GRIK1: variants seen among roughly 807,000 people sequenced by gnomAD.
GRIK1 encodes the protein glutamate ionotropic receptor kainate type subunit 1.
A neutral mutation model predicts 105.7 loss-of-function variants in GRIK1; 69 were observed. The ratio of observed to expected loss-of-function variants is 0.65; its 90% CI spans 0.54 to 0.80. The LOEUF is 0.80. GRIK1 is among the 30% of genes least tolerant of loss of function. GRIK1 has a pLI of 0.00. For missense variants in GRIK1, 1,109 were observed against 1,167.3 expected (o/e 0.95, Z 0.73); for synonymous variants, 438 against 431.3 (o/e 1.02, Z -0.19).
At chr21:29,707,454 C>CCTTCCTT (rs1601500614) in intron 1 of GRIK1, among the ~76,000 whole-genome samples, 29 of 88,550 alleles carry the variant, frequency 3.3e-4, no homozygotes, top group African/African-American at 1.3e-3. Context: ...CTCCCTCCCT[C>CCTTCCTT]CCTCCCTCCC....
At chr21:29,656,720 A>G (rs1297291247) in intron 4 of GRIK1, among the ~76,000 whole-genome samples, 1 of 152,212 alleles carries the variant, frequency 6.6e-6, no homozygotes, top group Non-Finnish European at 1.5e-5. Context: ...GGTGCCTAAG[A>G]TATGTGAACT....
At chr21:29,593,408 G>A (rs1392937711) in intron 9 of GRIK1, among the ~76,000 whole-genome samples, 1 of 152,182 alleles carries the variant, frequency 6.6e-6, no homozygotes, top group Non-Finnish European at 1.5e-5. Context: ...CTCAGGAAAA[G>A]TGGACAGCAT....
chr21:29,648,394 T>C lies in GRIK1; in HGVS notation c.954+2724A>G, dbSNP rs141285363. On this transcript the variant is annotated intron_variant, in intron 6 of 17. Transcript: ENST00000327783. The stretch of plus-strand genomic sequence containing the variant: ...AAAGTAATCTCTATTTTACTAATCA[T>C]GCACATTCACATATATCTTGTTTAT... Among the ~76,000 whole-genome samples, 1,272 of 152,350 alleles carry C rather than the reference T, an allele frequency of 8.3e-3. 14 individuals carry two copies. The highest frequency in any genetic ancestry group is 0.014 in the Non-Finnish European group (929 of 68,032).
intron 7 of GRIK1, among the ~76,000 whole-genome samples, chr21:29,625,630 C>T (rs539918826): frequency 8.5e-5 from 13 of 152,106 alleles, no homozygotes; most frequent in Non-Finnish European, 1.3e-4. Context: ...AGCACTCCCC[C>T]ATATCTGTTA....
chr21:29,656,744 G>A (rs553266463), intron 4 of GRIK1, among the ~76,000 whole-genome samples: 15 of 152,324 alleles, frequency 9.8e-5, no homozygotes, highest in East Asian at 5.8e-4. Context: ...ATGATTTTAC[G>A]TGAAAGGGAA....
At chr21:29,775,008 T>C (rs904128955) in intron 1 of GRIK1, among the ~76,000 whole-genome samples, 15 of 152,024 alleles carry the variant, frequency 9.9e-5, no homozygotes, top group African/African-American at 3.6e-4. Context: ...ATTCTTTGCT[T>C]TTACTGCTAA....
chr21:29,743,224 A>G (rs1187627834), intron 1 of GRIK1, among the ~76,000 whole-genome samples: 2 of 152,194 alleles, frequency 1.3e-5, no homozygotes, highest in Non-Finnish European at 2.9e-5. Context: ...ACTGAAGGGC[A>G]TATGGGTGTT....
chr21:29,761,642 C>T (rs975588571), intron 1 of GRIK1, among the ~76,000 whole-genome samples: 18 of 152,034 alleles, frequency 1.2e-4, no homozygotes, highest in African/African-American at 4.1e-4. Context: ...AAATCAGATT[C>T]TATTTATGCC....
At chr21:29,870,833 C>T (rs1256214183) in intron 1 of GRIK1, among the ~76,000 whole-genome samples, 1 of 151,980 alleles carries the variant, frequency 6.6e-6, no homozygotes, top group African/African-American at 2.4e-5. Flanking sequence ...TGACCTGCCT[C>T]CTTCCACCCC....
At chr21:29,680,008 T>C (rs1488566052) in intron 3 of GRIK1, among the ~76,000 whole-genome samples, 4 of 152,208 alleles carry the variant, frequency 2.6e-5, no homozygotes, top group African/African-American at 9.6e-5. Flanking sequence ...GGGAATATGC[T>C]CGCTATCTTC....
intron 1 of GRIK1, among the ~76,000 whole-genome samples, chr21:29,746,877 A>G (rs558634260): frequency 3.3e-5 from 5 of 152,310 alleles, no homozygotes; most frequent in Non-Finnish European, 5.9e-5. Context: ...TTTTTTCCCT[A>G]CTCAAGGTAC....
intron 1 of GRIK1, among the ~76,000 whole-genome samples, chr21:29,915,314 C>G (rs1376092880): frequency 6.6e-6 from 1 of 151,948 alleles, no homozygotes; most frequent in Non-Finnish European, 1.5e-5. Context: ...TCCAACCAGA[C>G]CTTGTAAGCA....
At chr21:29,732,016 A>G (rs556759053) in intron 1 of GRIK1, among the ~76,000 whole-genome samples, 2 of 152,198 alleles carry the variant, frequency 1.3e-5, no homozygotes, top group African/African-American at 4.8e-5. Context: ...CATATTTGTT[A>G]TAATAAGTTA....
At chr21:29,651,670 T>C (rs1041697167) in intron 5 of GRIK1, among the ~76,000 whole-genome samples, 2 of 152,102 alleles carry the variant, frequency 1.3e-5, no homozygotes, top group African/African-American at 4.8e-5. Context: ...AAGTGCTTTG[T>C]TAAGTCACCC....
chr21:29,749,451 G>A (rs1383343025), intron 1 of GRIK1, among the ~76,000 whole-genome samples: 1 of 152,206 alleles, frequency 6.6e-6, no homozygotes, highest in Non-Finnish European at 1.5e-5. Context: ...ATGGGCTGAA[G>A]GGCTTGAGCT....
At chr21:29,672,640 GCA>G (rs971053682) in intron 4 of GRIK1, among the ~76,000 whole-genome samples, 18 of 152,170 alleles carry the variant, frequency 1.2e-4, no homozygotes, top group African/African-American at 4.1e-4. Flanking sequence ...ATGAAATCTG[GCA>G]CAGTCTTTTC....
intron 7 of GRIK1, among the ~76,000 whole-genome samples, chr21:29,600,936 T>C (rs972767364): frequency 1.3e-5 from 2 of 152,244 alleles, no homozygotes; most frequent in African/African-American, 2.4e-5. Context: ...ATAAAGTACA[T>C]AATGGATTCA....
At chr21:29,651,053 G>T in intron 6 of GRIK1, 65 bp downstream of exon 6, 5 of 1,185,602 alleles carry the variant, frequency 4.2e-6, no homozygotes, top group East Asian at 2.4e-5. Flanking sequence ...TTAAAGATAC[G>T]TGAGATCTTA....
intron 1 of GRIK1, among the ~76,000 whole-genome samples, chr21:29,740,818 G>A (rs1035997293): frequency 1.3e-5 from 2 of 152,226 alleles, no homozygotes; most frequent in African/African-American, 4.8e-5. Context: ...TTATACCCGT[G>A]ACAAGGCACT....
Sources: gnomAD v4.1 joint callset for allele counts (sites outside exome capture counted in the v4.1 genomes callset) on GRCh38, gnomAD v4.1.1 for gene constraint, MANE v1.5 for transcripts, NCBI Gene and HGNC (gene_info 2026-07-23, HGNC 2026-07-21) for gene names.